Variants in KIAA1217 observed in about 807,000 individuals in gnomAD.
The protein encoded by KIAA1217 is KIAA1217.
KIAA1217 carries 88 observed loss-of-function variants against 163.9 expected under a neutral mutation model. That is an observed-to-expected ratio of 0.54 (90% CI 0.45 to 0.64). The LOEUF is 0.64. Ranked by LOEUF, KIAA1217 falls within the 30% of genes least tolerant of loss-of-function variation. The pLI is 0.00. For missense variants in KIAA1217, 2,372 were observed against 2,475.0 expected (o/e 0.96, Z 0.88); for synonymous variants, 903 against 923.1 (o/e 0.98, Z 0.39).
chr10:23,716,216 A>G (rs1293414676), intron 1 of KIAA1217, among the ~76,000 whole-genome samples: 1 of 152,170 alleles, frequency 6.6e-6, no homozygotes, highest in East Asian at 1.9e-4. Flanking sequence ...GGCATCTGGA[A>G]AGTTTCTCTT....
chr10:24,068,123 C>A (rs1187406481), intron 2 of KIAA1217, among the ~76,000 whole-genome samples: 3 of 152,232 alleles, frequency 2.0e-5, no homozygotes, highest in African/African-American at 7.2e-5. Context: ...TGCTTCCGCT[C>A]ATGCATGGTG....
intron 2 of KIAA1217, among the ~76,000 whole-genome samples, chr10:24,315,798 A>G (rs759181185): frequency 3.3e-5 from 5 of 152,184 alleles, no homozygotes; most frequent in Non-Finnish European, 5.9e-5. Flanking sequence ...CACTAATGGA[A>G]GTCATCATAA....
chr10:23,782,883 G>T (rs1187604654), intron 1 of KIAA1217, among the ~76,000 whole-genome samples: 1 of 152,120 alleles, frequency 6.6e-6, no homozygotes, highest in Non-Finnish European at 1.5e-5. Flanking sequence ...TTGAATACAA[G>T]TATTAAGAAT....
chr10:23,711,508 T>C (rs1276147644), intron 1 of KIAA1217, among the ~76,000 whole-genome samples: 1 of 152,184 alleles, frequency 6.6e-6, no homozygotes, highest in East Asian at 1.9e-4. Context: ...TTTTGGTCCA[T>C]TGAGATTTCT....
chr10:24,066,840 T>A (rs1222236990), intron 2 of KIAA1217, among the ~76,000 whole-genome samples: 4 of 152,180 alleles, frequency 2.6e-5, no homozygotes, highest in Non-Finnish European at 5.9e-5. Context: ...CTTTGTTCAT[T>A]TCTTTTTATT....
chr10:24,062,323 G>A (rs1479288620), intron 2 of KIAA1217, among the ~76,000 whole-genome samples: 1 of 120,126 alleles, frequency 8.3e-6, no homozygotes, highest in Non-Finnish European at 1.6e-5. Flanking sequence ...AGTGTGTGAT[G>A]TTCCCCTTCC....
chr10:23,806,733 T>A (rs1408900636), intron 1 of KIAA1217, among the ~76,000 whole-genome samples: 1 of 152,234 alleles, frequency 6.6e-6, no homozygotes, highest in Non-Finnish European at 1.5e-5. Flanking sequence ...GCATTCCTAC[T>A]TTTTCTTTTT....
At chr10:24,281,103 G>C (rs2077871895) in intron 2 of KIAA1217, among the ~76,000 whole-genome samples, 1 of 152,110 alleles carries the variant, frequency 6.6e-6, no homozygotes, top group Non-Finnish European at 1.5e-5. Context: ...TTTCATTTTA[G>C]AACAGTTTGA....
intron 2 of KIAA1217, among the ~76,000 whole-genome samples, chr10:24,128,242 T>C (rs1355368347): frequency 1.3e-5 from 2 of 152,278 alleles, no homozygotes; most frequent in South Asian, 2.1e-4. Flanking sequence ...CAGTTGTTAG[T>C]CTGGATCCTA....
At chr10:23,826,414 A>T (rs1047232397) in intron 1 of KIAA1217, among the ~76,000 whole-genome samples, 1 of 152,206 alleles carries the variant, frequency 6.6e-6, no homozygotes, top group Non-Finnish European at 1.5e-5. Context: ...TAAGCTGGGC[A>T]TGGTAGCATG....
At chr10:24,221,677 A>C (rs182108703) in intron 2 of KIAA1217, among the ~76,000 whole-genome samples, 58 of 152,294 alleles carry the variant, frequency 3.8e-4, no homozygotes, top group African/African-American at 1.4e-3. Context: ...GTAAACCCAG[A>C]AGAGGAGAAA....
At chr10:24,350,903 T>C (rs551614251) in intron 2 of KIAA1217, among the ~76,000 whole-genome samples, 25 of 151,808 alleles carry the variant, frequency 1.6e-4, no homozygotes, top group South Asian at 4.2e-4. Context: ...ACCTAATAGG[T>C]CATGTATTTC....
At chr10:24,508,834 C>G (rs1440188756) in intron 9 of KIAA1217, among the ~76,000 whole-genome samples, 2 of 152,146 alleles carry the variant, frequency 1.3e-5, no homozygotes, top group East Asian at 3.9e-4. Context: ...TTATAACGTT[C>G]TAGAACACAA....
At chr10:24,249,365 T>C (rs1205573096) in intron 2 of KIAA1217, among the ~76,000 whole-genome samples, 1 of 152,194 alleles carries the variant, frequency 6.6e-6, no homozygotes, top group African/African-American at 2.4e-5. Context: ...ATTGAGCCCG[T>C]ACTGTGCAAA....
At chr10:24,422,262 G>A (rs1441240528) in intron 3 of KIAA1217, among the ~76,000 whole-genome samples, 1 of 152,120 alleles carries the variant, frequency 6.6e-6, no homozygotes, top group African/African-American at 2.4e-5. Context: ...AGATTTGGCT[G>A]GGGACATAGC....
intron 1 of KIAA1217, among the ~76,000 whole-genome samples, chr10:23,889,643 T>C (rs1295147578): frequency 6.6e-6 from 1 of 151,922 alleles, no homozygotes. Context: ...TTGCATTGTA[T>C]TTTCCCAAAG....
chr10:24,480,139 G>A (rs1251184949), intron 6 of KIAA1217, among the ~76,000 whole-genome samples: 1 of 152,184 alleles, frequency 6.6e-6, no homozygotes, highest in African/African-American at 2.4e-5. Flanking sequence ...GATAATCAAA[G>A]ACATCTCTAG....
chr10:24,114,457 C>T (rs1244797239), intron 2 of KIAA1217, among the ~76,000 whole-genome samples: 2 of 152,018 alleles, frequency 1.3e-5, no homozygotes, highest in African/African-American at 2.4e-5. Context: ...ACTTACAGAC[C>T]CCCCCTGTTG....
chr10:24,480,690 A>G (rs1163741492), intron 6 of KIAA1217, among the ~76,000 whole-genome samples: 1 of 152,200 alleles, frequency 6.6e-6, no homozygotes, highest in Non-Finnish European at 1.5e-5. Context: ...ACTAAAGAGG[A>G]ATGTAAATAC....
Sources: allele counts gnomAD v4.1 joint callset (sites outside exome capture counted in the v4.1 genomes callset), GRCh38; gene constraint gnomAD v4.1.1; transcripts MANE v1.5; gene names NCBI Gene and HGNC (gene_info 2026-07-23, HGNC 2026-07-21).